The following ITGA3 variants were observed in gnomAD, a reference collection of about 807,000 sequenced individuals.
The protein encoded by ITGA3 is integrin alpha-3.
In ITGA3, 70 loss-of-function variants were observed where a neutral mutation model predicts 131.1. That is an observed-to-expected ratio of 0.53 (90% CI 0.44 to 0.65). The LOEUF (loss-of-function observed/expected upper bound fraction) is 0.65, where lower values mean the gene tolerates loss of function less well. Among genes scored for constraint, ITGA3 ranks in the 30% least tolerant of loss-of-function variants. The probability of loss-of-function intolerance (pLI) is 0.00; values close to 1 mark genes in which losing one functional copy is unlikely to be tolerated. For synonymous variants in ITGA3, 537 were observed against 571.6 expected (o/e 0.94, Z 0.86); for missense variants, 1,098 against 1,388.6 (o/e 0.79, Z 3.33).
At position 50,076,340 on chromosome 17, in the gene ITGA3, C is replaced by T; in HGVS notation, c.1689C>T (p.Asp563=). The change falls in exon 13 of 26, where the codon GAC becomes GAT. Residue 563 remains aspartate (D), a synonymous_variant. Coordinates refer to ENST00000320031, the MANE Select transcript of ITGA3 (RefSeq NM_002204.4). ...LELLLMDNLR[D]KLRPIIISMN... is the part of the protein sequence containing the mutation. ...TCTCTCCCCAGGACAACCTCCGTGA[C>T]AAACTCCGCCCCATCATCATCTCCA... 2 of 1,613,726 alleles carry T rather than the reference C, an allele frequency of 1.2e-6. No individual in the cohort carries two copies. The highest frequency in any genetic ancestry group is 8.5e-7 in the Non-Finnish European group (1 of 1,179,938).
Position 50,089,175 on chromosome 17 carries a change from G to C in ITGA3, c.*97G>C. 6.2e-7 allele frequency: 1 copy of C among 1,613,316 alleles called. No individual in the cohort carries two copies. On this transcript the variant is annotated 3_prime_UTR_variant, in exon 26 of 26. Coordinates refer to ENST00000320031, the MANE Select transcript of ITGA3 (RefSeq NM_002204.4). ...CCAAGTACCACGCAGTGCGGATCCGGGAGGAGGAGCGCTACCCACCTCCAG... is the reference window on the plus strand; with the variant it reads ...CCAAGTACCACGCAGTGCGGATCCGCGAGGAGGAGCGCTACCCACCTCCAG...
rs1193048758 is a variant in ITGA3 at position 50,089,794 on chromosome 17, G to T, written c.*716G>T. 5.8e-6 allele frequency: 1 copy of T among 172,442 alleles called. No homozygotes were observed. The highest frequency in any genetic ancestry group is 1.3e-5 in the Non-Finnish European group (1 of 79,238). 10.7% of individuals were successfully genotyped at this position (172,442 alleles called of 1,614,324 possible). On this transcript the variant is annotated 3_prime_UTR_variant, in exon 26 of 26. Transcript: ENST00000320031. The stretch of plus-strand genomic sequence containing the variant: ...CCAGAGAGGTGGGGATCCTGCCTAA[G>T]GTTGTCTACGGGGGCACTTGGAGGA...
intron 15 of ITGA3, 68 bp from the exon 16 acceptor site, chr17:50,077,311 C>A: frequency 1.4e-6 from 2 of 1,437,330 alleles, no homozygotes; most frequent in Non-Finnish European, 2.0e-6. Flanking sequence ...TCTGACCTTG[C>A]ACCACAGAGG....
rs1907799972 is a variant in ITGA3, at chr17:50,056,287, G to C, written c.-153G>C. 3.8e-6 allele frequency: 2 copies of C among 522,606 alleles called. No homozygotes were observed. The highest frequency in any genetic ancestry group is 2.9e-5 in the South Asian group (1 of 34,786). The allele number at this position is 522,606 out of a possible 1,614,324, so 32.4% of individuals were successfully genotyped here. A position where few individuals can be genotyped will look rare whatever the true frequency, so the allele number is the denominator to read the frequency against. ...GAGAGCGCAGCTGTGAAACTGGCTG[G>C]GGCTGGGGGCACGAAACCGATCAGC... is the stretch of plus-strand genomic sequence containing the variant. On this transcript the variant is annotated 5_prime_UTR_variant, in exon 1 of 26. Transcript: ENST00000320031. The surrounding 1 kb of genome is among the most constrained non-coding windows in gnomAD (Gnocchi z 5.6).
Position 50,070,894 on chromosome 17 carries a change from T to C in ITGA3, c.715T>C (p.Tyr239His). ...RKEWDLSEYS[Y>H]KDPEDQGNLY... ...GGAGTGGGACTTATCTGAGTATAGT[T>C]ACAAGGACCCAGAGGACCAAGGAAA... The change falls in exon 5 of 26, where the codon TAC becomes CAC. Residue 239 changes from tyrosine to histidine, a missense_variant. By Grantham distance (83) the Tyr-to-His change is moderately conservative (BLOSUM62 2). This residue lies in a region of ITGA3 where 356 missense variants were observed against 529.2 expected (regional missense o/e 0.67). Transcript: ENST00000320031. 1 of 1,612,362 alleles carries C rather than the reference T, an allele frequency of 6.2e-7. No homozygotes were observed. Among genetic ancestry groups the C allele is most frequent in the Non-Finnish European group, 8.5e-7 (1 of 1,178,584 alleles).
chr17:50,068,464 A>C lies in ITGA3; in HGVS notation c.664+159A>C, dbSNP rs532826874. Among the ~76,000 whole-genome samples the C allele has an allele frequency of 7.9e-5, 12 of 152,256 alleles. No homozygotes were observed. The South Asian group carries it at 2.5e-3, about 32-fold the overall frequency. On this transcript the variant is annotated intron_variant, in intron 4 of 25. Coordinates refer to ENST00000320031, the MANE Select transcript of ITGA3 (RefSeq NM_002204.4). Reference sequence around the variant, plus strand: ...CTTCTACTGTTTTAAAGCACTTACTATGTGCCAGGGGCCTTACGCATATTA... The same window carrying C: ...CTTCTACTGTTTTAAAGCACTTACTCTGTGCCAGGGGCCTTACGCATATTA...
intron 23 of ITGA3, among the ~76,000 whole-genome samples, chr17:50,082,377 C>T (rs1356654909): frequency 1.3e-5 from 2 of 152,104 alleles, no homozygotes; most frequent in Admixed American, 6.6e-5. Flanking sequence ...CAGGGTTTCA[C>T]CTTGTTAGCC....
At position 50,081,420 on chromosome 17, in the gene ITGA3, T is replaced by C. The variant is rs1436411062; in HGVS notation, c.2919+12T>C. On this transcript the variant is annotated intron_variant, in intron 23 of 25. Transcript: ENST00000320031. ...ACAAGACCACGTGGGTGAGTGCGCATGTTCACTAGGACAGCAGTCTCCAGC... is the reference window on the plus strand; with the variant it reads ...ACAAGACCACGTGGGTGAGTGCGCACGTTCACTAGGACAGCAGTCTCCAGC... 5 of 1,551,846 alleles carry C rather than the reference T, an allele frequency of 3.2e-6. No homozygotes were observed. Among genetic ancestry groups the C allele is most frequent in the Non-Finnish European group, 4.4e-6 (5 of 1,141,134 alleles).
intron 12 of ITGA3, 151 bp downstream of exon 12, chr17:50,075,886 A>G: frequency 3.9e-6 from 3 of 775,216 alleles, no homozygotes; most frequent in Non-Finnish European, 6.2e-6. Flanking sequence ...GTAGGAGTAC[A>G]GTGTACAGCA....
chr17:50,078,016 C>T (rs761859768), intron 16 of ITGA3, 30 bp from the exon 17 acceptor site: 2 of 1,588,122 alleles, frequency 1.3e-6, no homozygotes, highest in Non-Finnish European at 1.7e-6. Flanking sequence ...CCCCATATGC[C>T]ACTCTCTGCC....
In ITGA3 at chr17:50,072,253, G is replaced by C. The variant is rs1007668009; in HGVS notation, c.1156+71G>C. 4 of 1,354,296 alleles carry C rather than the reference G, an allele frequency of 3.0e-6. No homozygotes were observed. The Admixed American group carries it at 5.4e-5, about 18-fold the overall frequency. The allele number at this position is 1,354,296 out of a possible 1,614,324, so 83.9% of individuals were successfully genotyped here. ...TCCTCCCAGCACCCCTACTGACTGA[G>C]CACCAGCTGCACATCAGGCTTGACA... On this transcript the variant is annotated intron_variant, in intron 7 of 25. Transcript: ENST00000320031.
intron 14 of ITGA3, 83 bp from the exon 15 acceptor site, chr17:50,076,891 G>A (rs1908933282): frequency 6.8e-7 from 1 of 1,479,948 alleles, no homozygotes; most frequent in Admixed American, 1.8e-5. Flanking sequence ...TCTCACCTAG[G>A]AGACCCCAGG....
chr17:50,057,047 G>C (rs1293908834), intron 1 of ITGA3, among the ~76,000 whole-genome samples: 6 of 152,182 alleles, frequency 3.9e-5, no homozygotes, highest in Admixed American at 1.3e-4. Context: ...GGGGAAAAAT[G>C]AGCATATACA....
At position 50,064,592 on chromosome 17, in the gene ITGA3, T is replaced by C. The variant is rs2230391; in HGVS notation, c.399T>C (p.Pro133=). The change falls in exon 3 of 26, where the codon CCT becomes CCC. Residue 133 remains proline (P), a synonymous_variant. Transcript: ENST00000320031. This position sits in a 1 kb window ranked among gnomAD's most constrained non-coding sequence, Gnocchi z 4.4. The part of the protein sequence containing the change: ...WLGVTVASQG[P]AGRVLVCAHR... ...GAGTGACTGTGGCCAGCCAGGGCCC[T>C]GCAGGCAGAGTTCTGGTAAGTGGGT... 3,506 of 1,612,676 alleles carry C rather than the reference T, an allele frequency of 2.2e-3. 75 individuals are homozygous for C. In the African/African-American group the frequency reaches 0.042, roughly 19 times the overall value.
rs1908941595 is a variant in ITGA3 at position 50,077,012 on chromosome 17, G to A, written c.1961G>A (p.Ser654Asn). ...AGAGACGTCCGGAAATTGCTCCTGA[G>A]CATCAACGTGACGAACACCCGGACC... The part of the protein sequence containing the change: ...YSRDVRKLLL[S>N]INVTNTRTSE... The change falls in exon 15 of 26, where the codon AGC becomes AAC. Residue 654 changes from serine (S) to asparagine (N), a missense_variant. By Grantham distance (46) the Ser-to-Asn change is conservative. This residue lies in a region of ITGA3 where 699 missense variants were observed against 829.2 expected (regional missense o/e 0.84). Transcript: ENST00000320031. The A allele has an allele frequency of 6.2e-7, 1 of 1,611,654 alleles. No homozygotes were observed. The highest frequency in any genetic ancestry group is 8.5e-7 in the Non-Finnish European group (1 of 1,178,724).
chr17:50,088,657 C>T (rs1308094679), intron 25 of ITGA3, among the ~76,000 whole-genome samples: 4 of 152,164 alleles, frequency 2.6e-5, no homozygotes, highest in African/African-American at 9.7e-5. Context: ...AAGGCCAGGC[C>T]CCATCTCTGT....
chr17:50,074,478 G>T lies in ITGA3; in HGVS notation c.1413G>T (p.Lys471Asn). 1 of 1,614,072 alleles carries T rather than the reference G, an allele frequency of 6.2e-7. No individual in the cohort carries two copies. Among genetic ancestry groups the T allele is most frequent in the East Asian group, 2.2e-5 (1 of 44,876 alleles). The part of the protein sequence containing the change: ...RARPVINIVH[K>N]TLVPRPAVLD... ...GGCCCGTCATCAACATCGTCCACAA[G>T]ACCTTGGTGCCCAGGCCAGCTGTGC... The change falls in exon 10 of 26, where the codon AAG becomes AAT. Residue 471 changes from lysine (K) to asparagine (N), a missense_variant. By Grantham distance (94) the Lys-to-Asn change is moderately conservative. This residue lies in a region of ITGA3 where 699 missense variants were observed against 829.2 expected (regional missense o/e 0.84). Coordinates refer to ENST00000320031, the MANE Select transcript of ITGA3 (RefSeq NM_002204.4).
At chr17:50,061,455 G>A (rs1908072765) in intron 1 of ITGA3, among the ~76,000 whole-genome samples, 1 of 152,046 alleles carries the variant, frequency 6.6e-6, no homozygotes, top group African/African-American at 2.4e-5. Flanking sequence ...GGCAGCAGCA[G>A]CAACAAGGGG....
chr17:50,073,111 G>T (rs1908702415), intron 7 of ITGA3, among the ~76,000 whole-genome samples: 1 of 152,142 alleles, frequency 6.6e-6, no homozygotes, highest in Non-Finnish European at 1.5e-5. Flanking sequence ...CCCTTTACAG[G>T]CCTTACTAAC....
Sources: allele counts gnomAD v4.1 joint callset (sites outside exome capture counted in the v4.1 genomes callset), GRCh38; gene constraint gnomAD v4.1.1; regional missense constraint gnomAD v4.1.1; non-coding constraint Gnocchi (gnomAD v3.1); transcripts MANE v1.5; gene names NCBI Gene and HGNC (gene_info 2026-07-23, HGNC 2026-07-21).